AFG2A: variants seen among roughly 807,000 people sequenced by gnomAD.
AFG2A encodes ATPase family gene 2 protein homolog A.
chr4:122,938,483 C>T, the AFG2A span, among the ~76,000 whole-genome samples: 1 of 152,086 alleles, frequency 6.6e-6, no homozygotes. Flanking sequence ...AAATACTATA[C>T]CATGATGGAT....
the AFG2A span, among the ~76,000 whole-genome samples, chr4:123,168,930 T>G: frequency 2.0e-5 from 3 of 152,202 alleles, no homozygotes; most frequent in African/African-American, 7.2e-5. Flanking sequence ...CATGATTTGT[T>G]TTAGAGAAAT....
chr4:123,067,986 C>A, the AFG2A span, among the ~76,000 whole-genome samples: 6 of 152,176 alleles, frequency 3.9e-5, no homozygotes, highest in East Asian at 1.9e-4. Flanking sequence ...ATCTGTGGTC[C>A]TATATGTCTT....
At chr4:123,124,301 T>G in the AFG2A span, among the ~76,000 whole-genome samples, 1 of 152,254 alleles carries the variant, frequency 6.6e-6, no homozygotes, top group South Asian at 2.1e-4. Flanking sequence ...TGGAATACTA[T>G]GCAGCCATAA....
the AFG2A span, among the ~76,000 whole-genome samples, chr4:123,077,109 G>A: frequency 6.8e-5 from 10 of 147,192 alleles, 1 homozygote; most frequent in African/African-American, 2.5e-4. Context: ...GTGCAGTGGC[G>A]CGATCTCAGC....
the AFG2A span, among the ~76,000 whole-genome samples, chr4:123,093,706 C>T: frequency 6.6e-6 from 1 of 152,194 alleles, no homozygotes; most frequent in African/African-American, 2.4e-5. Context: ...ATTTTATAAA[C>T]ATAGGCTCTG....
chr4:123,037,702 G>C, the AFG2A span, among the ~76,000 whole-genome samples: 1 of 152,016 alleles, frequency 6.6e-6, no homozygotes, highest in African/African-American at 2.4e-5. Flanking sequence ...CACTCGATCT[G>C]CTCACCAGAA....
the AFG2A span, among the ~76,000 whole-genome samples, chr4:123,123,964 A>AAAAAAAG: frequency 6.7e-6 from 1 of 149,588 alleles, no homozygotes; most frequent in African/African-American, 2.4e-5. Flanking sequence ...AAAAAAAAAA[A>AAAAAAAG]AAAAAAAAAA....
the AFG2A span, among the ~76,000 whole-genome samples, chr4:122,957,279 G>A: frequency 2.0e-5 from 3 of 152,308 alleles, no homozygotes; most frequent in East Asian, 5.8e-4. Flanking sequence ...TTCCCATGGT[G>A]TTCTTAGAAA....
At chr4:123,274,262 A>G in the AFG2A span, among the ~76,000 whole-genome samples, 1 of 152,266 alleles carries the variant, frequency 6.6e-6, no homozygotes, top group East Asian at 1.9e-4. Flanking sequence ...TTGATAAAAG[A>G]AAACTAATAG....
chr4:123,313,495 C>T, the AFG2A span, among the ~76,000 whole-genome samples: 2 of 152,212 alleles, frequency 1.3e-5, no homozygotes, highest in African/African-American at 4.8e-5. Flanking sequence ...CCTCTGCCCT[C>T]CCTTGACCGT....
chr4:123,041,820 A>C, the AFG2A span, among the ~76,000 whole-genome samples: 1 of 152,134 alleles, frequency 6.6e-6, no homozygotes, highest in African/African-American at 2.4e-5. Flanking sequence ...GATCCACTGC[A>C]TCTGGCCTGA....
the AFG2A span, among the ~76,000 whole-genome samples, chr4:123,186,296 A>C: frequency 6.6e-6 from 1 of 152,242 alleles, no homozygotes; most frequent in Non-Finnish European, 1.5e-5. Flanking sequence ...GATTCATCTA[A>C]TATGAATATT....
At chr4:122,981,463 C>CT in the AFG2A span, among the ~76,000 whole-genome samples, 129 of 118,962 alleles carry the variant, frequency 1.1e-3, no homozygotes, top group African/African-American at 3.3e-3. Flanking sequence ...ATGCCTACAG[C>CT]TTTTTTTTTT....
the AFG2A span, among the ~76,000 whole-genome samples, chr4:123,221,389 G>A: frequency 2.0e-5 from 3 of 152,078 alleles, no homozygotes; most frequent in East Asian, 1.9e-4. Context: ...TCTCAAACTC[G>A]TAGGCTCAAG....
chr4:123,001,687 G>A, the AFG2A span, among the ~76,000 whole-genome samples: 1 of 151,976 alleles, frequency 6.6e-6, no homozygotes, highest in African/African-American at 2.4e-5. Context: ...TATAATTTCT[G>A]TTCTTTTACA....
At chr4:123,185,856 A>T in the AFG2A span, among the ~76,000 whole-genome samples, 1 of 151,930 alleles carries the variant, frequency 6.6e-6, no homozygotes, top group Non-Finnish European at 1.5e-5. Flanking sequence ...GCGCCACTGC[A>T]CTCCAGCCTG....
At chr4:123,050,403 C>T in the AFG2A span, among the ~76,000 whole-genome samples, 1 of 152,088 alleles carries the variant, frequency 6.6e-6, no homozygotes, top group African/African-American at 2.4e-5. Context: ...CATTGCGGTC[C>T]CCTGCAATTA....
the AFG2A span, among the ~76,000 whole-genome samples, chr4:123,004,331 G>C: frequency 6.6e-6 from 1 of 152,222 alleles, no homozygotes; most frequent in Non-Finnish European, 1.5e-5. Flanking sequence ...TGCGCCCACT[G>C]TCTGGCACTC....
the AFG2A span, among the ~76,000 whole-genome samples, chr4:123,117,858 AT>A: frequency 0.022 from 3,305 of 146,928 alleles, 64 homozygotes; most frequent in Non-Finnish European, 0.036. Flanking sequence ...TATTTTTTTA[AT>A]TTTTTTTTTT....
Sources: allele counts gnomAD v4.1 joint callset (sites outside exome capture counted in the v4.1 genomes callset), GRCh38; gene constraint gnomAD v4.1.1; transcripts MANE v1.5; gene names NCBI Gene and HGNC (gene_info 2026-07-23, HGNC 2026-07-21).